Variants in GPHN observed in about 807,000 individuals in gnomAD.
The protein encoded by GPHN is gephyrin.
A neutral mutation model predicts 95.5 loss-of-function variants in GPHN; 17 were observed. That is an observed-to-expected ratio of 0.18 (90% CI 0.12 to 0.27). GPHN has a LOEUF of 0.27. Among genes scored for constraint, GPHN ranks in the 10% least tolerant of loss-of-function variants. GPHN has a pLI of 1.00. For missense variants in GPHN, 660 were observed against 978.1 expected (o/e 0.67, Z 4.34); for synonymous variants, 320 against 322.5 (o/e 0.99, Z 0.08).
At chr14:67,223,844 T>C in the GPHN span, 162 of 985,826 alleles carry the variant, frequency 1.6e-4, no homozygotes, top group African/African-American at 2.1e-3. Flanking sequence ...CCATACACTT[T>C]TACTCTCACT....
chr14:66,922,794 T>C lies in GPHN; in HGVS notation c.585T>C (p.Pro195=). ...DLPSPPPPLS[P]PPTTSPHKQT... Reference sequence around the variant, plus strand: ...CTTCCCCACCTCCCCCTCTTTCCCCTCCTCCTACTACCAGCCCCCATAAAC... The same window carrying C: ...CTTCCCCACCTCCCCCTCTTTCCCCCCCTCCTACTACCAGCCCCCATAAAC... The change falls in exon 7 of 23, where the codon CCT becomes CCC. Residue 195 remains proline, a synonymous_variant. Transcript: ENST00000478722. 6.2e-7 allele frequency: 1 copy of C among 1,600,884 alleles called. No homozygotes were observed. The highest frequency in any genetic ancestry group is 8.6e-7 in the Non-Finnish European group (1 of 1,169,072).
the GPHN span, among the ~76,000 whole-genome samples, chr14:67,296,534 A>T: frequency 1.4e-5 from 2 of 139,932 alleles, no homozygotes; most frequent in Non-Finnish European, 3.1e-5. Flanking sequence ...GTGAGCCAAG[A>T]TCGTGCCACT....
chr14:67,576,388 C>G, the GPHN span: 2 of 1,566,888 alleles, frequency 1.3e-6, no homozygotes, highest in Non-Finnish European at 1.8e-6. This position sits in a 1 kb window ranked among gnomAD's most constrained non-coding sequence, Gnocchi z 4.0. Flanking sequence ...TTTCCGCCCT[C>G]TTCCAGGATA....
the GPHN span, among the ~76,000 whole-genome samples, chr14:67,443,183 TG>T: frequency 2.0e-5 from 3 of 151,862 alleles, no homozygotes; most frequent in East Asian, 5.8e-4. Flanking sequence ...ACTGCGCCAC[TG>T]CACTCCAGCC....
chr14:66,508,683 G>C (rs932728736), intron 1 of GPHN, 92 bp downstream of exon 1: 2 of 1,139,588 alleles, frequency 1.8e-6, no homozygotes, highest in African/African-American at 1.5e-5. Flanking sequence ...CTGCGGCCTC[G>C]GGAGGAGGGA....
At chr14:67,047,458 C>T (rs777233531) in intron 10 of GPHN, among the ~76,000 whole-genome samples, 10 of 150,912 alleles carry the variant, frequency 6.6e-5, no homozygotes, top group Admixed American at 1.3e-4. Context: ...CTCTGCCTCC[C>T]GGATTCAAGG....
chr14:66,738,183 A>T (rs556345103), intron 2 of GPHN, among the ~76,000 whole-genome samples: 1 of 152,344 alleles, frequency 6.6e-6, no homozygotes, highest in East Asian at 1.9e-4. Context: ...TTCTATATTC[A>T]TTCTTGAACG....
chr14:67,116,850 T>TTTAC (rs1486638801), intron 16 of GPHN, among the ~76,000 whole-genome samples: 1 of 152,264 alleles, frequency 6.6e-6, no homozygotes, highest in Non-Finnish European at 1.5e-5. Flanking sequence ...CCTTCTTATC[T>TTTAC]TGTAACCTAG....
the GPHN span, among the ~76,000 whole-genome samples, chr14:67,621,434 A>G: frequency 4.9e-3 from 744 of 152,024 alleles, 35 homozygotes; most frequent in East Asian, 0.083. Context: ...TAATAGGCTT[A>G]GATCTATATT....
At chr14:67,509,422 G>A in the GPHN span, among the ~76,000 whole-genome samples, 2 of 151,982 alleles carry the variant, frequency 1.3e-5, no homozygotes, top group East Asian at 1.9e-4. Context: ...AGGTTCAAGC[G>A]ATTCTCCTGC....
the GPHN span, among the ~76,000 whole-genome samples, chr14:67,636,734 A>G: frequency 6.6e-6 from 1 of 152,170 alleles, no homozygotes. Context: ...GTATTTTATT[A>G]CCAGCACTCA....
At chr14:66,822,481 G>A (rs2061236925) in intron 3 of GPHN, among the ~76,000 whole-genome samples, 1 of 152,178 alleles carries the variant, frequency 6.6e-6, no homozygotes, top group African/African-American at 2.4e-5. Flanking sequence ...GTGCACCCAA[G>A]GATGAGAACC....
chr14:66,979,970 G>A lies in GPHN; in HGVS notation c.963+14645G>A, dbSNP rs1340212887. ...TAGAAAGACAAGGAATGGTCAGTCT[G>A]TGTAGCAGTCAGGGCACACACAGCA... On this transcript the variant is annotated intron_variant, in intron 9 of 22. Transcript: ENST00000478722. 2.0e-5 allele frequency among the ~76,000 whole-genome samples: 3 copies of A among 152,114 alleles called. No homozygotes were observed. The South Asian group carries it at 6.2e-4, about 32-fold the overall frequency.
At chr14:67,488,173 C>A in the GPHN span, among the ~76,000 whole-genome samples, 1 of 152,198 alleles carries the variant, frequency 6.6e-6, no homozygotes, top group Admixed American at 6.5e-5. Flanking sequence ...GATGACCAGG[C>A]AGGATGGACC....
At chr14:66,645,455 G>A (rs918331098) in intron 1 of GPHN, among the ~76,000 whole-genome samples, 1 of 151,976 alleles carries the variant, frequency 6.6e-6, no homozygotes, top group African/African-American at 2.4e-5. Flanking sequence ...GGGAGGCTGA[G>A]GCAGATGTAT....
chr14:66,898,466 TA>T lies in GPHN; in HGVS notation c.390-17512del, dbSNP rs59434196. 9.3e-3 allele frequency among the ~76,000 whole-genome samples: 855 copies of T among 91,734 alleles called. 4 individuals are homozygous for T. The highest frequency in any genetic ancestry group is 0.021 in the East Asian group (46 of 2,212). The allele number at this position is 91,734 out of a possible 152,430, so 60.2% of individuals were successfully genotyped here. ...ACCACTTGCTCCAGTGCTACTTGTT[TA>T]AAAAAAAAAAAAAAAAAAAAAAAAG... On this transcript the variant is annotated intron_variant, in intron 5 of 22. Coordinates refer to ENST00000478722, the MANE Select transcript of GPHN (RefSeq NM_020806.5).
At chr14:67,115,326 A>T (rs2078616179) in intron 16 of GPHN, among the ~76,000 whole-genome samples, 1 of 152,188 alleles carries the variant, frequency 6.6e-6, no homozygotes, top group Admixed American at 6.5e-5. Flanking sequence ...GCAAAAAAAA[A>T]ATTACCTATT....
rs879368479 is a variant in GPHN, at chr14:66,733,306, C to CTT, written c.144-43146_144-43145dup. On this transcript the variant is annotated intron_variant, in intron 2 of 22. Transcript: ENST00000478722. ...GCGGAAATGTGAGTTAATTAAACCT[C>CTT]TTTTTTTTTTTTTGTAAATTACCCT... 7.7e-5 allele frequency among the ~76,000 whole-genome samples: 11 copies of CTT among 143,104 alleles called. 1 individual carries two copies. The highest frequency in any genetic ancestry group is 2.0e-4 in the African/African-American group (8 of 39,240). The allele number at this position is 143,104 out of a possible 152,430, so 93.9% of individuals were successfully genotyped here.
At chr14:66,940,872 A>G (rs190640522) in intron 8 of GPHN, among the ~76,000 whole-genome samples, 81 of 152,308 alleles carry the variant, frequency 5.3e-4, no homozygotes, top group Non-Finnish European at 1.0e-3. Context: ...TCCTCCTCCA[A>G]CAAGGGAGAG....
Sources: gnomAD v4.1 joint callset for allele counts (sites outside exome capture counted in the v4.1 genomes callset) on GRCh38, gnomAD v4.1.1 for gene constraint, Gnocchi (gnomAD v3.1) non-coding constraint, MANE v1.5 for transcripts, NCBI Gene and HGNC (gene_info 2026-07-23, HGNC 2026-07-21) for gene names.